Variants in PASK observed in about 807,000 individuals in gnomAD.
PASK encodes PAS domain containing serine/threonine kinase, also known as PAS domain-containing serine/threonine-protein kinase.
In PASK, 110 loss-of-function variants were observed where a neutral mutation model predicts 121.0. The ratio of observed to expected loss-of-function variants is 0.91; its 90% CI spans 0.78 to 1.06. PASK has a LOEUF of 1.06. Among genes scored for constraint, PASK ranks in the 50% least tolerant of loss-of-function variants. PASK has a pLI of 0.00. For synonymous variants in PASK, 686 were observed against 717.8 expected (o/e 0.96, Z 0.71); for missense variants, 1,643 against 1,702.3 (o/e 0.97, Z 0.61).
At chr2:241,141,552 C>T (rs1448111859) in intron 2 of PASK, among the ~76,000 whole-genome samples, 1 of 152,134 alleles carries the variant, frequency 6.6e-6, no homozygotes, top group Non-Finnish European at 1.5e-5. Flanking sequence ...CACCTCCCAC[C>T]TCTCAGTGAC....
rs765623550 is a variant in PASK at position 241,136,041 on chromosome 2, T to C, written c.1138-2A>G. 50 of 1,613,278 alleles carry C rather than the reference T, an allele frequency of 3.1e-5. No homozygotes were observed. The highest frequency in any genetic ancestry group is 4.2e-5 in the Non-Finnish European group (50 of 1,179,388). ...ACCAGGAATCAGGAAAGTGATATTC[T>C]AGAAAACAAAGCAGGGACATTTCAG... On this transcript the variant is annotated splice_acceptor_variant, in intron 7 of 17. Transcript: ENST00000234040. LOFTEE classifies it high-confidence loss of function.
In PASK at chr2:241,142,920, C is replaced by G; in HGVS notation, c.113G>C (p.Ser38Thr). The part of the protein sequence containing the change: ...GPAAQTTAEP[S>T]RSFSSAHRHL... ...TCTGTGGGCTGAGGAAAACGACCTGCTGGGCTCAGCAGTGGTCTGTGCAGC... is the reference window on the plus strand; with the variant it reads ...TCTGTGGGCTGAGGAAAACGACCTGGTGGGCTCAGCAGTGGTCTGTGCAGC... The change falls in exon 2 of 18, where the codon AGC becomes ACC. Residue 38 changes from serine (S) to threonine (T), a missense_variant. Physicochemically the swap from Ser to Thr is moderately conservative, Grantham distance 58. Around this residue, in one of 3 missense-constraint regions of PASK, gnomAD observed 1,176 missense variants for 1,162.2 expected, o/e 1.01. Transcript: ENST00000234040. 1 of 1,614,052 alleles carries G rather than the reference C, an allele frequency of 6.2e-7. No individual in the cohort carries two copies. Among genetic ancestry groups the G allele is most frequent in the Non-Finnish European group, 8.5e-7 (1 of 1,179,922 alleles).
intron 15 of PASK, among the ~76,000 whole-genome samples, chr2:241,111,661 C>T (rs1466105775): frequency 6.6e-6 from 1 of 151,984 alleles, no homozygotes; most frequent in East Asian, 1.9e-4. Context: ...TCACAGGCTC[C>T]CCAGACTGCA....
At chr2:241,114,874 A>G in intron 14 of PASK, 169 bp downstream of exon 14, 6 of 1,519,494 alleles carry the variant, frequency 3.9e-6, no homozygotes, top group Non-Finnish European at 5.3e-6. Context: ...CTCTACTTCA[A>G]TCATAGAATT....
At chr2:241,128,300 A>C (rs1303952813) in intron 9 of PASK, among the ~76,000 whole-genome samples, 1 of 152,182 alleles carries the variant, frequency 6.6e-6, no homozygotes. Flanking sequence ...CAAAAAAAGA[A>C]GGGGACACGG....
chr2:241,111,141 C>T (rs1421301505), intron 15 of PASK, among the ~76,000 whole-genome samples: 1 of 152,250 alleles, frequency 6.6e-6, no homozygotes, highest in East Asian at 1.9e-4. Context: ...AATGCTGAGG[C>T]CCTCCCGAGA....
intron 7 of PASK, 112 bp from the exon 8 acceptor site, chr2:241,136,151 C>T (rs2066418446): frequency 5.0e-6 from 5 of 995,546 alleles, no homozygotes; most frequent in South Asian, 3.9e-5. Context: ...GAGGGTTCAC[C>T]CTTAAGGTCA....
At chr2:241,132,128 G>A (rs1005039040) in intron 9 of PASK, among the ~76,000 whole-genome samples, 4 of 150,908 alleles carry the variant, frequency 2.7e-5, no homozygotes, top group African/African-American at 4.9e-5. Context: ...TGTACAATAC[G>A]ACTATGAGAA....
chr2:241,117,080 C>T (rs550596355), intron 12 of PASK, among the ~76,000 whole-genome samples: 3 of 150,238 alleles, frequency 2.0e-5, no homozygotes, highest in African/African-American at 7.4e-5. Flanking sequence ...GTGAGGGAGG[C>T]GGGGGGCTGG....
At chr2:241,131,114 C>CTTCTATAA (rs2066106106) in intron 9 of PASK, among the ~76,000 whole-genome samples, 1 of 151,478 alleles carries the variant, frequency 6.6e-6, no homozygotes, top group South Asian at 2.1e-4. Flanking sequence ...TACCATTATT[C>CTTCTATAA]TTCTATAATT....
rs1439239190 is a variant in PASK, at chr2:241,137,052, G to A, written c.1089C>T (p.Ser363=). The change falls in exon 7 of 18, where the codon AGC becomes AGT. Residue 363 remains serine, a synonymous_variant. Transcript: ENST00000234040. ...CGTAACCAAACAGTGTCAGCGCGAAGCTGTGGTTGATGCCGTGGATGGTCC... is the reference window on the plus strand; with the variant it reads ...CGTAACCAAACAGTGTCAGCGCGAAACTGTGGTTGATGCCGTGGATGGTCC... ...PDGTIHGINH[S]FALTLFGYGK... The A allele has an allele frequency of 1.2e-6, 2 of 1,613,728 alleles. No individual in the cohort carries two copies. Among genetic ancestry groups the A allele is most frequent in the South Asian group, 2.2e-5 (2 of 91,086 alleles).
chr2:241,129,648 A>C (rs1029683479), intron 9 of PASK, among the ~76,000 whole-genome samples: 6 of 152,230 alleles, frequency 3.9e-5, no homozygotes, highest in Non-Finnish European at 5.9e-5. Flanking sequence ...GAAACTGTGG[A>C]TCTCTGACTT....
At position 241,137,066 on chromosome 2, in the gene PASK, C is replaced by T. The variant is rs1480977249; in HGVS notation, c.1075G>A (p.Gly359Ser). 6 of 1,613,470 alleles carry T rather than the reference C, an allele frequency of 3.7e-6. No homozygotes were observed. The South Asian group carries it at 4.4e-5, about 12-fold the overall frequency. The stretch of plus-strand genomic sequence containing the variant: ...GTCAGCGCGAAGCTGTGGTTGATGC[C>T]GTGGATGGTCCCATCCGGCAGGAGG... Reference protein sequence around the residue: ...ITLLPDGTIHGINHSFALTLF... With the variant: ...ITLLPDGTIHSINHSFALTLF... The change falls in exon 7 of 18, where the codon GGC becomes AGC. Residue 359 changes from glycine (G) to serine (S), a missense_variant. Physicochemically the swap from Gly to Ser is moderately conservative, Grantham distance 56. Around this residue, in one of 3 missense-constraint regions of PASK, gnomAD observed 1,176 missense variants for 1,162.2 expected, o/e 1.01. Transcript: ENST00000234040.
At chr2:241,119,761 C>T (rs997194701) in intron 12 of PASK, among the ~76,000 whole-genome samples, 50 of 152,260 alleles carry the variant, frequency 3.3e-4, no homozygotes, top group African/African-American at 1.2e-3. Context: ...TGAGCCACCG[C>T]GCCCGGCCTG....
intron 10 of PASK, among the ~76,000 whole-genome samples, chr2:241,124,733 TTA>T (rs2065776860): frequency 6.6e-6 from 1 of 152,260 alleles, no homozygotes; most frequent in Non-Finnish European, 1.5e-5. Context: ...TTCTTCTTGT[TTA>T]TATTTCTAAT....
intron 14 of PASK, chr2:241,114,080 C>G: frequency 1.0e-6 from 1 of 985,346 alleles, no homozygotes; most frequent in Non-Finnish European, 1.2e-6. Flanking sequence ...ACAAGCGACC[C>G]TCAACATAAC....
In PASK at chr2:241,112,474, A is replaced by G; in HGVS notation, c.3334-35T>C. Reference sequence around the variant, plus strand: ...GGAGGCCAGAGGGGGCTTTTTAAAAAAGCAATTCAACTAAAATATGCATTT... The same window carrying G: ...GGAGGCCAGAGGGGGCTTTTTAAAAGAGCAATTCAACTAAAATATGCATTT... On this transcript the variant is annotated intron_variant, in intron 14 of 17. Transcript: ENST00000234040. This position sits in a 1 kb window ranked among gnomAD's most constrained non-coding sequence, Gnocchi z 5.2. The G allele has an allele frequency of 7.0e-7, 1 of 1,430,646 alleles. No homozygotes were observed. The highest frequency in any genetic ancestry group is 9.8e-7 in the Non-Finnish European group (1 of 1,025,462). The allele number at this position is 1,430,646 out of a possible 1,614,324, so 88.6% of individuals were successfully genotyped here. A position where few individuals can be genotyped will look rare whatever the true frequency, so the allele number is the denominator to read the frequency against.
chr2:241,128,429 A>G (rs2065974731), intron 9 of PASK, among the ~76,000 whole-genome samples: 1 of 152,246 alleles, frequency 6.6e-6, no homozygotes, highest in South Asian at 2.1e-4. Flanking sequence ...CAGGATGATC[A>G]CAGAGCCAAG....
chr2:241,130,837 G>A (rs1000610923), intron 9 of PASK, among the ~76,000 whole-genome samples: 2 of 152,172 alleles, frequency 1.3e-5, no homozygotes, highest in Non-Finnish European at 2.9e-5. Flanking sequence ...GCCTGTAGAG[G>A]AAGATCTGCA....
Sources: allele counts gnomAD v4.1 joint callset (sites outside exome capture counted in the v4.1 genomes callset), GRCh38; gene constraint gnomAD v4.1.1; regional missense constraint gnomAD v4.1.1; non-coding constraint Gnocchi (gnomAD v3.1); transcripts MANE v1.5; gene names NCBI Gene and HGNC (gene_info 2026-07-23, HGNC 2026-07-21).